The following CACNA1C variants were observed in gnomAD, a reference collection of about 807,000 sequenced individuals.
CACNA1C encodes the protein voltage-dependent L-type calcium channel subunit alpha-1C.
Under a neutral mutation model 229.0 loss-of-function variants are expected in CACNA1C, and 30 were observed. The ratio of observed to expected loss-of-function variants is 0.13; its 90% CI spans 0.10 to 0.18. The LOEUF (loss-of-function observed/expected upper bound fraction) is 0.18, where lower values mean the gene tolerates loss of function less well. Among genes scored for constraint, CACNA1C ranks in the 10% least tolerant of loss-of-function variants. The pLI is 1.00. For missense variants in CACNA1C, 1,658 were observed against 2,845.0 expected (o/e 0.58, Z 9.49); for synonymous variants, 1,114 against 1,132.5 (o/e 0.98, Z 0.33).
chr12:2,620,713 T>C (rs1341194134), intron 29 of CACNA1C, among the ~76,000 whole-genome samples: 1 of 152,240 alleles, frequency 6.6e-6, no homozygotes, highest in African/African-American at 2.4e-5. Flanking sequence ...CGAAGCCTAC[T>C]ACACACTCAT....
At chr12:2,338,053 G>C (rs1451161824) in intron 3 of CACNA1C, among the ~76,000 whole-genome samples, 2 of 152,008 alleles carry the variant, frequency 1.3e-5, no homozygotes, top group Non-Finnish European at 2.9e-5. Context: ...TGCACAGCCT[G>C]GTCCTATCCC....
chr12:2,351,218 C>T (rs1260412724), intron 3 of CACNA1C, among the ~76,000 whole-genome samples: 9 of 152,324 alleles, frequency 5.9e-5, no homozygotes, highest in East Asian at 3.9e-4. Flanking sequence ...GTAGCAGTCA[C>T]GCCGTACCCC....
chr12:2,089,845 C>G (rs374731530), intron 1 of CACNA1C, among the ~76,000 whole-genome samples: 2 of 148,848 alleles, frequency 1.3e-5, no homozygotes, highest in Non-Finnish European at 3.0e-5. Context: ...CCAGCCTGGC[C>G]AACATAGTGA....
chr12:2,561,612 C>T (rs1427532102), intron 11 of CACNA1C, among the ~76,000 whole-genome samples: 1 of 152,208 alleles, frequency 6.6e-6, no homozygotes, highest in Non-Finnish European at 1.5e-5. Context: ...CAGGATGAAG[C>T]AACGGTGGAG....
intron 7 of CACNA1C, among the ~76,000 whole-genome samples, chr12:2,500,557 G>A (rs984849151): frequency 2.6e-5 from 4 of 152,136 alleles, no homozygotes; most frequent in African/African-American, 7.2e-5. Flanking sequence ...GGCTCCAGAG[G>A]CAGCTTTGGG....
At chr12:2,419,959 G>C (rs2098958765) in intron 3 of CACNA1C, among the ~76,000 whole-genome samples, 1 of 152,148 alleles carries the variant, frequency 6.6e-6, no homozygotes, top group Non-Finnish European at 1.5e-5. Context: ...CCCGCCACCA[G>C]TCTCCAATTT....
At chr12:2,070,708 A>G (rs2060860452) in intron 1 of CACNA1C, among the ~76,000 whole-genome samples, 1 of 152,200 alleles carries the variant, frequency 6.6e-6, no homozygotes, top group South Asian at 2.1e-4. Flanking sequence ...CAGTTTTACA[A>G]TGATGTGTTA....
intron 3 of CACNA1C, among the ~76,000 whole-genome samples, chr12:2,147,715 G>A (rs1237827837): frequency 6.7e-6 from 1 of 149,714 alleles, no homozygotes; most frequent in Non-Finnish European, 1.5e-5. Context: ...TGGTCAGATT[G>A]GAAGGAGAGA....
In CACNA1C at chr12:2,651,637, C is replaced by T. The variant is rs1356079461; in HGVS notation, c.3946-3C>T. ...TGCACCTCCTGTTGCCGACGGGTTC[C>T]AGAACGCAGAGGAAAACTCCCGCAT... On this transcript the variant is annotated splice_polypyrimidine_tract_variant and splice_region_variant and intron_variant, in intron 31 of 46. Transcript: ENST00000399655. This position sits in a 1 kb window ranked among gnomAD's most constrained non-coding sequence, Gnocchi z 5.4. 6.2e-7 allele frequency: 1 copy of T among 1,613,922 alleles called. No homozygotes were observed. Among genetic ancestry groups the T allele is most frequent in the Admixed American group, 1.7e-5 (1 of 60,016 alleles).
intron 3 of CACNA1C, among the ~76,000 whole-genome samples, chr12:2,394,544 C>T (rs997887980): frequency 6.6e-6 from 1 of 152,164 alleles, no homozygotes; most frequent in African/African-American, 2.4e-5. Context: ...GATGTCATCG[C>T]ATTTACTGAG....
At chr12:2,360,995 A>G (rs2154530814) in intron 3 of CACNA1C, among the ~76,000 whole-genome samples, 1 of 152,266 alleles carries the variant, frequency 6.6e-6, no homozygotes, top group Non-Finnish European at 1.5e-5. Flanking sequence ...GCAGCATACC[A>G]AACTACAGAT....
At chr12:2,204,243 A>G (rs2097685754) in intron 3 of CACNA1C, among the ~76,000 whole-genome samples, 1 of 152,020 alleles carries the variant, frequency 6.6e-6, no homozygotes, top group Non-Finnish European at 1.5e-5. Flanking sequence ...GGCTGCATAA[A>G]TGTCTTCTTT....
At chr12:2,555,596 A>G (rs777148901) in intron 10 of CACNA1C, among the ~76,000 whole-genome samples, 2 of 152,198 alleles carry the variant, frequency 1.3e-5, no homozygotes, top group Admixed American at 6.5e-5. Context: ...TGTAAATAAC[A>G]ATGCTGCCCT....
At chr12:2,166,618 A>G (rs2096246802) in intron 3 of CACNA1C, among the ~76,000 whole-genome samples, 1 of 152,202 alleles carries the variant, frequency 6.6e-6, no homozygotes, top group Non-Finnish European at 1.5e-5. Flanking sequence ...TGTCATATGT[A>G]AAATGGCAGC....
chr12:2,451,561 T>C (rs1239460167), intron 4 of CACNA1C, among the ~76,000 whole-genome samples: 1 of 151,974 alleles, frequency 6.6e-6, no homozygotes, highest in Non-Finnish European at 1.5e-5. Context: ...ACAGGGTGAG[T>C]AGGCACCGAA....
intron 5 of CACNA1C, among the ~76,000 whole-genome samples, chr12:2,469,552 G>T (rs887215794): frequency 3.3e-5 from 5 of 152,156 alleles, no homozygotes; most frequent in Non-Finnish European, 7.3e-5. Flanking sequence ...CATCAGGTGA[G>T]TTTTCAGTGT....
At chr12:2,268,222 AG>A (rs1391824171) in intron 3 of CACNA1C, among the ~76,000 whole-genome samples, 1 of 152,000 alleles carries the variant, frequency 6.6e-6, no homozygotes, top group Non-Finnish European at 1.5e-5. Flanking sequence ...CCCTCTGAAG[AG>A]GGTTTAGCTT....
intron 3 of CACNA1C, among the ~76,000 whole-genome samples, chr12:2,271,152 T>C (rs966701685): frequency 2.6e-5 from 4 of 152,134 alleles, no homozygotes; most frequent in African/African-American, 9.7e-5. Flanking sequence ...CAGGCCGGGT[T>C]GGAAGGGCCT....
At chr12:2,416,986 G>A (rs1234890426) in intron 3 of CACNA1C, among the ~76,000 whole-genome samples, 1 of 152,160 alleles carries the variant, frequency 6.6e-6, no homozygotes, top group South Asian at 2.1e-4. Flanking sequence ...TTAGATGTTA[G>A]TGACTGCCTC....
Sources: allele counts gnomAD v4.1 joint callset (sites outside exome capture counted in the v4.1 genomes callset), GRCh38; gene constraint gnomAD v4.1.1; non-coding constraint Gnocchi (gnomAD v3.1); transcripts MANE v1.5; gene names NCBI Gene and HGNC (gene_info 2026-07-23, HGNC 2026-07-21).